Variants in CSTF3 observed in about 807,000 individuals in gnomAD.
The protein encoded by CSTF3 is cleavage stimulation factor subunit 3.
CSTF3 carries 29 observed loss-of-function variants against 105.8 expected under a neutral mutation model. The ratio of observed to expected loss-of-function variants is 0.27; its 90% CI spans 0.20 to 0.37. The LOEUF (loss-of-function observed/expected upper bound fraction) is 0.37. Ranked by LOEUF, CSTF3 falls within the 10% of genes least tolerant of loss-of-function variation. CSTF3 has a pLI of 1.00. For synonymous variants in CSTF3, 252 were observed against 281.9 expected (o/e 0.89, Z 1.06); for missense variants, 357 against 879.3 (o/e 0.41, Z 7.51).
In CSTF3 at chr11:33,104,937, C is replaced by T. The variant is rs112432468; in HGVS notation, c.585+630G>A. Among the ~76,000 whole-genome samples the T allele has an allele frequency of 2.5e-3, 374 of 152,228 alleles. 1 individual carries two copies. The highest frequency in any genetic ancestry group is 8.5e-3 in the African/African-American group (351 of 41,536). The stretch of plus-strand genomic sequence containing the variant: ...AACTTTCTTTTTTTCTCTTTAGAGA[C>T]GGGCTCTCACCATCTTGCCCAGGCT... On this transcript the variant is annotated intron_variant, in intron 8 of 20. Transcript: ENST00000323959.
intron 3 of CSTF3, among the ~76,000 whole-genome samples, chr11:33,119,668 T>C (rs1004456052): frequency 3.9e-5 from 6 of 151,952 alleles, no homozygotes; most frequent in Admixed American, 6.5e-5. Context: ...TTAGTTTTTA[T>C]CAATACTGCT....
chr11:33,111,757 G>A (rs1855381500), intron 3 of CSTF3, among the ~76,000 whole-genome samples: 1 of 152,060 alleles, frequency 6.6e-6, no homozygotes. Flanking sequence ...ATTGGTATTA[G>A]CCCAATAAAT....
At chr11:33,113,518 AC>A (rs1565008455) in intron 3 of CSTF3, among the ~76,000 whole-genome samples, 1 of 152,048 alleles carries the variant, frequency 6.6e-6, no homozygotes, top group Non-Finnish European at 1.5e-5. Context: ...CCCTGTCTAA[AC>A]AAACAAACAA....
intron 1 of CSTF3, among the ~76,000 whole-genome samples, chr11:33,159,303 T>A (rs1849906154): frequency 6.6e-6 from 1 of 151,244 alleles, no homozygotes. Context: ...ACAAAAAAAA[T>A]ACAAAAATTA....
chr11:33,131,014 A>AGT (rs1435966571), intron 3 of CSTF3, among the ~76,000 whole-genome samples: 2 of 152,180 alleles, frequency 1.3e-5, no homozygotes, highest in Admixed American at 6.5e-5. Flanking sequence ...TGGGCAACAG[A>AGT]GTGAGACCCT....
intron 3 of CSTF3, among the ~76,000 whole-genome samples, chr11:33,110,301 G>T (rs1402609854): frequency 1.3e-5 from 2 of 152,152 alleles, no homozygotes; most frequent in African/African-American, 4.8e-5. Flanking sequence ...AAACCAGAAA[G>T]AAATCTCTAC....
chr11:33,102,863 G>GTC (rs1343628259), intron 9 of CSTF3, among the ~76,000 whole-genome samples: 3 of 152,118 alleles, frequency 2.0e-5, no homozygotes, highest in Non-Finnish European at 4.4e-5. Flanking sequence ...GTAGAGCCTT[G>GTC]TCTCTCTCTA....
Position 33,085,877 on chromosome 11 carries a change from G to GA in CSTF3, c.1890+17dup, listed in dbSNP as rs781338298. 3.0e-5 allele frequency: 48 copies of GA among 1,579,518 alleles called. No homozygotes were observed. The highest frequency in any genetic ancestry group is 3.4e-5 in the Non-Finnish European group (40 of 1,162,760). On this transcript the variant is annotated intron_variant, in intron 19 of 20. Coordinates refer to ENST00000323959, the MANE Select transcript of CSTF3 (RefSeq NM_001326.3). ...GACCCACAGAGCCAGTATCTACCATGAAAATAAGTGAACAAACCTGGAAAC... is the reference window on the plus strand; with the variant it reads ...GACCCACAGAGCCAGTATCTACCATGAAAAATAAGTGAACAAACCTGGAAAC...
intron 3 of CSTF3, among the ~76,000 whole-genome samples, chr11:33,111,494 T>C (rs984475753): frequency 2.6e-5 from 4 of 152,074 alleles, no homozygotes; most frequent in African/African-American, 9.7e-5. Context: ...ATAAATCCTA[T>C]ATATGTTTAT....
At chr11:33,106,160 ACT>A in intron 5 of CSTF3, 96 bp from the exon 6 acceptor site, 2 of 907,620 alleles carry the variant, frequency 2.2e-6, no homozygotes, top group Non-Finnish European at 1.8e-6. Flanking sequence ...CTGTAATCCC[ACT>A]GCTTTGGGAG....
At chr11:33,143,776 G>A (rs1377627322) in intron 1 of CSTF3, among the ~76,000 whole-genome samples, 3 of 150,810 alleles carry the variant, frequency 2.0e-5, no homozygotes, top group African/African-American at 4.9e-5. Context: ...AGATTACAAG[G>A]TCAGGAGATT....
Position 33,099,619 on chromosome 11 carries a change from C to T in CSTF3, c.925G>A (p.Ala309Thr), listed in dbSNP as rs769799632. 5.0e-6 allele frequency: 8 copies of T among 1,600,624 alleles called. No homozygotes were observed. In the Admixed American group the frequency reaches 5.2e-5, roughly 10 times the overall value. The change falls in exon 11 of 21, where the codon GCA becomes ACA. Residue 309 changes from alanine to threonine, a missense_variant. By Grantham distance (58) the Ala-to-Thr change is moderately conservative. Around this residue, in one of 4 missense-constraint regions of CSTF3, gnomAD observed 206 missense variants for 576.5 expected, o/e 0.36. Transcript: ENST00000323959. The surrounding 1 kb of genome is among the most constrained non-coding windows in gnomAD (Gnocchi z 4.1). ...GAAGGAACACTTACTCCCTTTTCTG[C>T]GAGCAGTTTACTTGACTGCTCAAGA... ...QYLEQSSKLL[A>T]EKGDMNNAKL... is the part of the protein sequence containing the mutation.
chr11:33,137,396 A>T (rs1214095306), intron 3 of CSTF3, among the ~76,000 whole-genome samples: 2 of 151,866 alleles, frequency 1.3e-5, no homozygotes, highest in Non-Finnish European at 3.0e-5. Context: ...CCAAGGGAAA[A>T]AATGTATAGA....
chr11:33,092,971 T>A (rs1855184270), intron 15 of CSTF3, among the ~76,000 whole-genome samples: 1 of 152,204 alleles, frequency 6.6e-6, no homozygotes, highest in South Asian at 2.1e-4. Context: ...AACTCTAAGT[T>A]ATCTTTTAAA....
chr11:33,132,117 C>T (rs546926559), intron 3 of CSTF3, among the ~76,000 whole-genome samples: 4 of 152,116 alleles, frequency 2.6e-5, no homozygotes, highest in Non-Finnish European at 5.9e-5. Flanking sequence ...AAGCTGCAAG[C>T]AGAATATCCT....
chr11:33,127,146 AAT>A (rs1002851434), intron 3 of CSTF3, among the ~76,000 whole-genome samples: 1 of 152,168 alleles, frequency 6.6e-6, no homozygotes, highest in African/African-American at 2.4e-5. Flanking sequence ...GTGACTAGAG[AAT>A]AGACTTTACT....
At chr11:33,097,592 C>T (rs958447283) in intron 13 of CSTF3, among the ~76,000 whole-genome samples, 1 of 152,204 alleles carries the variant, frequency 6.6e-6, no homozygotes, top group Admixed American at 6.5e-5. Flanking sequence ...TGGTCTCAAT[C>T]TCCTGACCTC....
chr11:33,107,243 A>G (rs1855336245), intron 5 of CSTF3, among the ~76,000 whole-genome samples: 1 of 152,120 alleles, frequency 6.6e-6, no homozygotes, highest in Non-Finnish European at 1.5e-5. Context: ...CTTGAGCCCA[A>G]GAGGTTGAGG....
At position 33,095,573 on chromosome 11, in the gene CSTF3, G is replaced by A. The variant is rs1373706064; in HGVS notation, c.1375+733C>T. Among the ~76,000 whole-genome samples the A allele has an allele frequency of 1.1e-4, 17 of 152,108 alleles. 1 individual carries two copies. The East Asian group carries it at 3.3e-3, about 30-fold the overall frequency. ...GCGGTGGCTCACGCCTGTAATCCCA[G>A]CACTTTGGGAGGCCGAGGCGGGCGG... On this transcript the variant is annotated intron_variant, in intron 15 of 20. Transcript: ENST00000323959.
Sources: allele counts gnomAD v4.1 joint callset (sites outside exome capture counted in the v4.1 genomes callset), GRCh38; gene constraint gnomAD v4.1.1; regional missense constraint gnomAD v4.1.1; non-coding constraint Gnocchi (gnomAD v3.1); transcripts MANE v1.5; gene names NCBI Gene and HGNC (gene_info 2026-07-23, HGNC 2026-07-21).